The following TBC1D19 variants were observed in gnomAD, a reference collection of about 807,000 sequenced individuals.
The protein encoded by TBC1D19 is TBC1 domain family member 19, also known as TBC1 domain family, member 19.
TBC1D19 carries 60 observed loss-of-function variants against 89.0 expected under a neutral mutation model. The observed-to-expected ratio is 0.67, with a 90% CI of 0.55 to 0.84. The LOEUF is 0.84. TBC1D19 is among the 40% of genes least tolerant of loss of function. The pLI, the probability that TBC1D19 is intolerant of heterozygous loss-of-function variation, is 0.00. For missense variants in TBC1D19, 500 were observed against 610.8 expected, an observed-to-expected ratio of 0.82 and a Z score of 1.91; for synonymous variants, 189 against 199.7, an observed-to-expected ratio of 0.95 and a Z score of 0.45.
At chr4:26,663,719 TGC>T (rs1368449921) in intron 8 of TBC1D19, among the ~76,000 whole-genome samples, 1 of 152,194 alleles carries the variant, frequency 6.6e-6, no homozygotes, top group Non-Finnish European at 1.5e-5. Flanking sequence ...TAGTTGTCCC[TGC>T]CTTGCCTATA....
At chr4:26,754,236 G>A (rs1719142530) in intron 20 of TBC1D19, 1 of 203,306 alleles carries the variant, frequency 4.9e-6, no homozygotes, top group Admixed American at 5.2e-5. Flanking sequence ...AAAACCACTT[G>A]AGAGAATTAA....
chr4:26,613,115 T>G, intron 1 of TBC1D19, 54 bp from the exon 2 acceptor site: 2 of 1,235,068 alleles, frequency 1.6e-6, no homozygotes. Context: ...ATGATTTACT[T>G]TGGATATCTT....
At chr4:26,815,448 G>C in the TBC1D19 span, among the ~76,000 whole-genome samples, 1 of 152,330 alleles carries the variant, frequency 6.6e-6, no homozygotes, top group Non-Finnish European at 1.5e-5. Context: ...AATGCATTCA[G>C]TTGAGCCTAA....
the TBC1D19 span, among the ~76,000 whole-genome samples, chr4:26,817,199 C>T: frequency 6.6e-6 from 1 of 152,070 alleles, no homozygotes; most frequent in African/African-American, 2.4e-5. Context: ...AAACTCATAC[C>T]CACATGCCTA....
chr4:26,834,770 C>T, the TBC1D19 span, among the ~76,000 whole-genome samples: 1 of 152,184 alleles, frequency 6.6e-6, no homozygotes, highest in East Asian at 1.9e-4. Flanking sequence ...TTTCTTTTCA[C>T]TCTTAACTAT....
intron 19 of TBC1D19, among the ~76,000 whole-genome samples, chr4:26,751,281 C>T (rs925184476): frequency 6.6e-6 from 1 of 152,226 alleles, no homozygotes; most frequent in Non-Finnish European, 1.5e-5. Flanking sequence ...TCTTATCTAC[C>T]TTTGGAGAAA....
At chr4:26,692,872 G>A (rs1479838041) in intron 13 of TBC1D19, among the ~76,000 whole-genome samples, 1 of 152,174 alleles carries the variant, frequency 6.6e-6, no homozygotes, top group African/African-American at 2.4e-5. Flanking sequence ...GAAAACAGTA[G>A]AATAATCAGC....
At chr4:26,699,404 C>T (rs1255453698) in intron 13 of TBC1D19, among the ~76,000 whole-genome samples, 1 of 152,190 alleles carries the variant, frequency 6.6e-6, no homozygotes, top group African/African-American at 2.4e-5. Flanking sequence ...AACACTTTTA[C>T]ACTGTTGGTG....
the TBC1D19 span, among the ~76,000 whole-genome samples, chr4:26,842,941 G>T: frequency 6.6e-6 from 1 of 152,138 alleles, no homozygotes; most frequent in Non-Finnish European, 1.5e-5. Flanking sequence ...GAAAAAGGAA[G>T]AATTAAGTCT....
the TBC1D19 span, among the ~76,000 whole-genome samples, chr4:26,845,357 T>C: frequency 1.3e-5 from 2 of 152,204 alleles, no homozygotes; most frequent in African/African-American, 4.8e-5. Context: ...TTCAAGACTT[T>C]CCTTATTGTG....
At chr4:26,714,308 C>T (rs546343809) in intron 13 of TBC1D19, among the ~76,000 whole-genome samples, 49 of 151,996 alleles carry the variant, frequency 3.2e-4, no homozygotes, top group African/African-American at 8.9e-4. Context: ...ATGTGCACAA[C>T]GTGCAGGTTA....
At chr4:26,858,722 C>CG in the TBC1D19 span, 3 of 152,198 alleles carry the variant, frequency 2.0e-5, no homozygotes, top group African/African-American at 7.2e-5. Context: ...AGATGATCTG[C>CG]GGTGGAGGGT....
intron 11 of TBC1D19, among the ~76,000 whole-genome samples, chr4:26,675,078 A>G (rs748926597): frequency 2.0e-5 from 3 of 152,078 alleles, no homozygotes; most frequent in Non-Finnish European, 4.4e-5. Flanking sequence ...GACACTTTAG[A>G]GAAAATAGTT....
intron 9 of TBC1D19, among the ~76,000 whole-genome samples, chr4:26,668,859 T>G (rs1049984317): frequency 1.3e-5 from 2 of 151,902 alleles, no homozygotes; most frequent in Non-Finnish European, 2.9e-5. Context: ...TGAGCTTTTA[T>G]ATAAAAGTCA....
In TBC1D19 at chr4:26,679,819, T is replaced by G. The variant is rs147589884; in HGVS notation, c.817-3856T>G. 2.6e-3 allele frequency among the ~76,000 whole-genome samples: 391 copies of G among 152,318 alleles called. 3 individuals carry two copies. The highest frequency in any genetic ancestry group is 9.1e-3 in the African/African-American group (379 of 41,580). ...TTAATGCTGGAATGAGTTGAAACTT[T>G]GGAGGACTGTTGGAAGGGCATGATT... is the stretch of plus-strand genomic sequence containing the variant. On this transcript the variant is annotated intron_variant, in intron 11 of 20. Coordinates refer to ENST00000264866, the MANE Select transcript of TBC1D19 (RefSeq NM_018317.4).
intron 11 of TBC1D19, among the ~76,000 whole-genome samples, chr4:26,675,707 G>T (rs968086906): frequency 6.6e-6 from 1 of 151,972 alleles, no homozygotes; most frequent in Non-Finnish European, 1.5e-5. Context: ...TTGTTGAATC[G>T]CTTTTCAATC....
chr4:26,791,750 G>A, the TBC1D19 span, among the ~76,000 whole-genome samples: 1 of 152,334 alleles, frequency 6.6e-6, no homozygotes, highest in Admixed American at 6.5e-5. Context: ...ATAAGATAGA[G>A]CTGCCATTTA....
At chr4:26,775,848 A>G in the TBC1D19 span, among the ~76,000 whole-genome samples, 1 of 152,170 alleles carries the variant, frequency 6.6e-6, no homozygotes, top group South Asian at 2.1e-4. Context: ...TTATTCTTCA[A>G]AGGTGGTCAG....
chr4:26,704,793 A>G (rs1715604258), intron 13 of TBC1D19, among the ~76,000 whole-genome samples: 3 of 152,302 alleles, frequency 2.0e-5, no homozygotes, highest in African/African-American at 7.2e-5. Context: ...GAATAGAAAT[A>G]TAATATTATA....
Sources: allele counts gnomAD v4.1 joint callset (sites outside exome capture counted in the v4.1 genomes callset), GRCh38; gene constraint gnomAD v4.1.1; transcripts MANE v1.5; gene names NCBI Gene and HGNC (gene_info 2026-07-23, HGNC 2026-07-21).